RPH3A: variants seen among roughly 807,000 people sequenced by gnomAD.
RPH3A encodes the protein rabphilin 3A, also known as rabphilin-3A.
Under a neutral mutation model 102.2 loss-of-function variants are expected in RPH3A, and 48 were observed. The observed-to-expected ratio is 0.47, with a 90% CI of 0.37 to 0.60. The LOEUF is 0.60. Ranked by LOEUF, RPH3A falls within the 20% of genes least tolerant of loss-of-function variation. The pLI is 0.00. For missense variants in RPH3A, 781 were observed against 910.1 expected (o/e 0.86, Z 1.83); for synonymous variants, 310 against 324.3 (o/e 0.96, Z 0.47).
intron 2 of RPH3A, among the ~76,000 whole-genome samples, chr12:112,815,371 C>A (rs774748449): frequency 6.6e-6 from 1 of 152,206 alleles, no homozygotes; most frequent in African/African-American, 2.4e-5. Flanking sequence ...GCAGGAGAGT[C>A]AGGAGCCTCA....
chr12:112,679,706 A>G (rs575502269), intron 1 of RPH3A, among the ~76,000 whole-genome samples: 1 of 152,166 alleles, frequency 6.6e-6, no homozygotes, highest in African/African-American at 2.4e-5. Context: ...GATTACAGGC[A>G]TGAGCCACCA....
intron 5 of RPH3A, among the ~76,000 whole-genome samples, chr12:112,853,162 T>C (rs2042352199): frequency 6.6e-6 from 1 of 152,180 alleles, no homozygotes; most frequent in Non-Finnish European, 1.5e-5. Flanking sequence ...TGAGTAATAA[T>C]GCCTGGAACT....
At chr12:112,789,171 G>A (rs118154208), upstream of RPH3A, among the ~76,000 whole-genome samples, 1,354 of 152,142 alleles carry the variant, frequency 8.9e-3, 14 homozygotes, top group East Asian at 0.05. Context: ...TAAAACAAAC[G>A]ATATTGTTTA....
At chr12:112,749,440 A>C (rs1297423269) in intron 1 of RPH3A, among the ~76,000 whole-genome samples, 1 of 152,172 alleles carries the variant, frequency 6.6e-6, no homozygotes, top group African/African-American at 2.4e-5. Flanking sequence ...AATTGAACTC[A>C]ATCATCTTTC....
intron 1 of RPH3A, among the ~76,000 whole-genome samples, chr12:112,775,925 G>C (rs561654502): frequency 2.6e-5 from 4 of 151,956 alleles, no homozygotes; most frequent in Non-Finnish European, 5.9e-5. Context: ...CCCTTTCTCT[G>C]GGGACTTTAT....
Position 112,897,271 on chromosome 12 carries a change from C to T in RPH3A, c.*491C>T, listed in dbSNP as rs752815270. The T allele has an allele frequency of 1.6e-4, 25 of 158,322 alleles. No homozygotes were observed. The highest frequency in any genetic ancestry group is 4.2e-4 in the Admixed American group (7 of 16,644). The allele number at this position is 158,322 out of a possible 1,614,324, so 9.8% of individuals were successfully genotyped here. A position where few individuals can be genotyped will look rare whatever the true frequency, so the allele number is the denominator to read the frequency against. On this transcript the variant is annotated 3_prime_UTR_variant, in exon 22 of 22. Transcript: ENST00000389385. Reference sequence around the variant, plus strand: ...AGCATTGGGGCACAAATAGAGCCTCCGGGCTCCCACTGCCCCCTGAGATGT... The same window carrying T: ...AGCATTGGGGCACAAATAGAGCCTCTGGGCTCCCACTGCCCCCTGAGATGT...
intron 4 of RPH3A, among the ~76,000 whole-genome samples, chr12:112,838,316 A>G (rs1444734860): frequency 1.3e-5 from 2 of 152,258 alleles, no homozygotes; most frequent in Non-Finnish European, 2.9e-5. Flanking sequence ...CAGTCTGGCT[A>G]AAAAGATTAA....
chr12:112,670,527 C>A (rs1321383339), intron 1 of RPH3A, among the ~76,000 whole-genome samples: 2 of 151,968 alleles, frequency 1.3e-5, no homozygotes, highest in African/African-American at 4.8e-5. Context: ...TGTAGCAGAC[C>A]ACCCAAAGTC....
In RPH3A at chr12:112,657,288, TA is replaced by T. The variant is rs146789418; in HGVS notation, c.-140+81970del. On this transcript the variant is annotated intron_variant, in intron 1 of 21. Coordinates refer to the RPH3A transcript ENST00000543106. Reference sequence around the variant, plus strand: ...TTCTTTGCCTACTTTTTAATGGCGTTATTTTTTTTTTCTTGTTGAGTTGTTT... The same window carrying T: ...TTCTTTGCCTACTTTTTAATGGCGTTTTTTTTTTTTCTTGTTGAGTTGTTT... 9.9e-5 allele frequency among the ~76,000 whole-genome samples: 15 copies of T among 152,284 alleles called. No homozygotes were observed. In the East Asian group the frequency reaches 2.5e-3, roughly 25 times the overall value.
chr12:112,828,151 G>C (rs1401540857), intron 2 of RPH3A, 150 bp from the exon 3 acceptor site: 3 of 631,392 alleles, frequency 4.8e-6, no homozygotes, highest in Non-Finnish European at 8.3e-6. Context: ...CCCTCTTAGG[G>C]TCTCAGACTC....
intron 1 of RPH3A, among the ~76,000 whole-genome samples, chr12:112,607,623 C>G (rs1201894207): frequency 2.0e-5 from 3 of 152,224 alleles, no homozygotes; most frequent in Non-Finnish European, 2.9e-5. Flanking sequence ...TGAATTTGAG[C>G]ATCTGAAGGG....
chr12:112,773,080 CT>C (rs2136073536), intron 1 of RPH3A, among the ~76,000 whole-genome samples: 1 of 152,044 alleles, frequency 6.6e-6, no homozygotes, highest in East Asian at 1.9e-4. Context: ...CTTTTTATGG[CT>C]GCATAGTATT....
At chr12:112,891,245 G>A in intron 19 of RPH3A, 1 of 533,158 alleles carries the variant, frequency 1.9e-6, no homozygotes, top group Admixed American at 3.3e-5. Flanking sequence ...GTCCTCTTGA[G>A]GGCCTGCTGA....
chr12:112,836,410 C>A (rs1029219371), intron 3 of RPH3A, 81 bp from the exon 4 acceptor site: 4 of 772,796 alleles, frequency 5.2e-6, no homozygotes, highest in South Asian at 2.1e-5. Context: ...AGTGTTGCAT[C>A]CAGACAGTGT....
intron 18 of RPH3A, 151 bp downstream of exon 18, chr12:112,890,231 C>G (rs2043070380): frequency 4.3e-6 from 3 of 698,522 alleles, no homozygotes; most frequent in Non-Finnish European, 7.4e-6. Context: ...CCTTTGCCCA[C>G]AAGTGATGTC....
In RPH3A at chr12:112,876,737, C is replaced by T; in HGVS notation, c.1042C>T (p.Arg348Ter). The T allele has an allele frequency of 6.2e-7, 1 of 1,613,366 alleles. No homozygotes were observed. The highest frequency in any genetic ancestry group is 8.5e-7 in the Non-Finnish European group (1 of 1,179,680). ...CCCAGCAGTTGGAGCCAGAGAGGAC[C>T]GAATGAGCCACCCCTCCGGACCCTA... The part of the protein sequence containing the change: ...GYPAVGARED[R>*]MSHPSGPYSQ... The change falls in exon 13 of 22, where the codon CGA (arginine) becomes TGA (stop). Residue 348 changes from arginine (R) to a stop codon, truncating the protein, a stop_gained. Coordinates refer to ENST00000389385, the MANE Select transcript of RPH3A (RefSeq NM_001143854.2). LOFTEE classifies it high-confidence loss of function.
At chr12:112,610,494 C>T (rs2039631207) in intron 1 of RPH3A, among the ~76,000 whole-genome samples, 1 of 137,560 alleles carries the variant, frequency 7.3e-6, no homozygotes, top group African/African-American at 2.7e-5. Context: ...CAGAGTGAGA[C>T]TCTGTCTCAA....
chr12:112,672,611 T>G (rs1327535258), intron 1 of RPH3A, among the ~76,000 whole-genome samples: 1 of 152,150 alleles, frequency 6.6e-6, no homozygotes, highest in Non-Finnish European at 1.5e-5. Flanking sequence ...CTCCTAGCAC[T>G]CACCTCTGCA....
Position 112,718,657 on chromosome 12 carries a change from G to A in RPH3A, c.-139-73486G>A, listed in dbSNP as rs148224993. Among the ~76,000 whole-genome samples the A allele has an allele frequency of 2.3e-3, 356 of 152,318 alleles. 1 individual carries two copies. The highest frequency in any genetic ancestry group is 8.1e-3 in the African/African-American group (337 of 41,568). Reference sequence around the variant, plus strand: ...TAGATCGTCTACTGGCCATGTTGGGGCAGAAAGAAGGTGGAGACTCTTCTC... The same window carrying A: ...TAGATCGTCTACTGGCCATGTTGGGACAGAAAGAAGGTGGAGACTCTTCTC... On this transcript the variant is annotated intron_variant, in intron 1 of 21. Transcript: ENST00000543106.
Sources: gnomAD v4.1 joint callset for allele counts (sites outside exome capture counted in the v4.1 genomes callset) on GRCh38, gnomAD v4.1.1 for gene constraint, MANE v1.5 for transcripts, NCBI Gene and HGNC (gene_info 2026-07-23, HGNC 2026-07-21) for gene names.